NR6A1: variants seen among roughly 807,000 people sequenced by gnomAD.
NR6A1 encodes the protein retinoic acid receptor-related testis-associated receptor.
In NR6A1, 7 loss-of-function variants were observed where a neutral mutation model predicts 59.1. That is an observed-to-expected ratio of 0.12 (90% CI 0.07 to 0.22). NR6A1 has a LOEUF of 0.22. Ranked by LOEUF, NR6A1 falls within the 10% of genes least tolerant of loss-of-function variation. NR6A1 has a pLI of 1.00. For missense variants in NR6A1, 468 were observed against 611.6 expected, an observed-to-expected ratio of 0.77 and a Z score of 2.48; for synonymous variants, 243 against 236.1, an observed-to-expected ratio of 1.03 and a Z score of -0.27.
In NR6A1 at chr9:124,597,996, C is replaced by T. The variant is rs114637657; in HGVS notation, c.143-43426G>A. ...CTGGGACTACAGGGGACTACAGGCA[C>T]GCACCACCACGCCTGGCTAATTTGT... On this transcript the variant is annotated intron_variant, in intron 2 of 9. Coordinates refer to ENST00000487099, the MANE Select transcript of NR6A1 (RefSeq NM_033334.4). 6.9e-3 allele frequency among the ~76,000 whole-genome samples: 1,055 copies of T among 152,172 alleles called. 11 individuals carry two copies. The highest frequency in any genetic ancestry group is 0.025 in the African/African-American group (1,023 of 41,516).
chr9:124,755,596 T>G (rs77089785), intron 1 of NR6A1, among the ~76,000 whole-genome samples: 1 of 152,208 alleles, frequency 6.6e-6, no homozygotes, highest in African/African-American at 2.4e-5. Context: ...ACTTTTCTTA[T>G]AGCAACAATG....
In NR6A1 at chr9:124,520,492, G is replaced by C. The variant is rs1832778088; in HGVS notation, c.*2213C>G. The C allele has an allele frequency of 6.6e-6, 1 of 152,242 alleles. No homozygotes were observed. Among genetic ancestry groups the C allele is most frequent in the Admixed American group, 6.5e-5 (1 of 15,288 alleles). The allele number at this position is 152,242 out of a possible 1,614,324, so 9.4% of individuals were successfully genotyped here. ...CTCTGTTCAATACTACGTTGTTGGA[G>C]AGACATGTTCTTGCCTCATCAGAGA... On this transcript the variant is annotated 3_prime_UTR_variant, in exon 10 of 10. Coordinates refer to ENST00000487099, the MANE Select transcript of NR6A1 (RefSeq NM_033334.4).
At chr9:124,609,490 C>T (rs1835678955) in intron 2 of NR6A1, among the ~76,000 whole-genome samples, 1 of 152,126 alleles carries the variant, frequency 6.6e-6, no homozygotes, top group Admixed American at 6.5e-5. Flanking sequence ...GTACCAGTAC[C>T]ATGCTGTTTT....
At position 124,520,339 on chromosome 9, in the gene NR6A1, A is replaced by C; in HGVS notation, c.*2366T>G. The stretch of plus-strand genomic sequence containing the variant: ...GAACACACAGCCACTTTGCTCTGAG[A>C]TTCTGCAGGGCTCTCGGCAATGAAT... On this transcript the variant is annotated 3_prime_UTR_variant, in exon 10 of 10. Transcript: ENST00000487099. 6.6e-6 allele frequency: 1 copy of C among 152,192 alleles called. No individual in the cohort carries two copies. Among genetic ancestry groups the C allele is most frequent in the East Asian group, 1.9e-4 (1 of 5,200 alleles). The allele number at this position is 152,192 out of a possible 1,614,324, so 9.4% of individuals were successfully genotyped here. A position where few individuals can be genotyped will look rare whatever the true frequency, so the allele number is the denominator to read the frequency against.
chr9:124,639,472 T>G (rs2130897761), intron 2 of NR6A1, among the ~76,000 whole-genome samples: 1 of 152,352 alleles, frequency 6.6e-6, no homozygotes, highest in South Asian at 2.1e-4. Flanking sequence ...GAGGCTGGTT[T>G]ACTTTGCTCA....
intron 2 of NR6A1, among the ~76,000 whole-genome samples, chr9:124,640,156 A>G (rs1836730243): frequency 6.6e-6 from 1 of 152,228 alleles, no homozygotes; most frequent in Non-Finnish European, 1.5e-5. Flanking sequence ...AATCCAGAGG[A>G]ATGAAATTCT....
intron 2 of NR6A1, among the ~76,000 whole-genome samples, chr9:124,720,757 T>C (rs1839540239): frequency 6.6e-6 from 1 of 152,146 alleles, no homozygotes; most frequent in Non-Finnish European, 1.5e-5. Context: ...CTCAGCATGC[T>C]AAGAATATGT....
At chr9:124,654,823 G>C (rs1001582342) in intron 2 of NR6A1, among the ~76,000 whole-genome samples, 1 of 144,382 alleles carries the variant, frequency 6.9e-6, no homozygotes, top group Non-Finnish European at 1.5e-5. Context: ...CCTTTGTTTT[G>C]TTCCTGATAC....
intron 8 of NR6A1, among the ~76,000 whole-genome samples, chr9:124,525,677 A>ATCTCTCTC (rs71980445): frequency 6.7e-6 from 1 of 149,140 alleles, no homozygotes; most frequent in Non-Finnish European, 1.5e-5. Context: ...TTCTAAATAG[A>ATCTCTCTC]TCTCTCTCTC....
chr9:124,593,067 A>T (rs1055103301), intron 2 of NR6A1, among the ~76,000 whole-genome samples: 3 of 152,224 alleles, frequency 2.0e-5, no homozygotes, highest in Admixed American at 2.0e-4. Flanking sequence ...TCACAATTTC[A>T]TTGGCGGAAC....
intron 1 of NR6A1, among the ~76,000 whole-genome samples, chr9:124,762,429 C>A (rs1840808332): frequency 1.3e-5 from 2 of 152,162 alleles, no homozygotes; most frequent in Admixed American, 1.3e-4. Flanking sequence ...GCAGCTAGAT[C>A]TCCTATCTGT....
intron 2 of NR6A1, among the ~76,000 whole-genome samples, chr9:124,706,669 C>T (rs1839142372): frequency 6.6e-6 from 1 of 152,122 alleles, no homozygotes; most frequent in Admixed American, 6.6e-5. Context: ...CTGACATGCG[C>T]CACCACACCA....
intron 2 of NR6A1, among the ~76,000 whole-genome samples, chr9:124,649,979 A>G (rs1356841188): frequency 6.6e-6 from 1 of 152,210 alleles, no homozygotes; most frequent in African/African-American, 2.4e-5. Flanking sequence ...ACACTTCTAC[A>G]CTGTTGATGG....
chr9:124,602,381 TGGC>T (rs1835472366), intron 2 of NR6A1, among the ~76,000 whole-genome samples: 1 of 152,196 alleles, frequency 6.6e-6, no homozygotes, highest in Non-Finnish European at 1.5e-5. Context: ...AGACCCAGAT[TGGC>T]CCAGAGATTA....
At chr9:124,732,841 C>A (rs1449109713) in intron 2 of NR6A1, among the ~76,000 whole-genome samples, 1 of 152,034 alleles carries the variant, frequency 6.6e-6, no homozygotes, top group African/African-American at 2.4e-5. Context: ...GGACTACAGG[C>A]ACCCGCCACC....
chr9:124,571,413 A>C (rs1019358350), intron 2 of NR6A1, among the ~76,000 whole-genome samples: 6 of 152,188 alleles, frequency 3.9e-5, no homozygotes, highest in Admixed American at 3.9e-4. Flanking sequence ...AATCTGCAGT[A>C]GATATCTTTC....
At chr9:124,706,182 T>C (rs1839129051) in intron 2 of NR6A1, among the ~76,000 whole-genome samples, 1 of 152,214 alleles carries the variant, frequency 6.6e-6, no homozygotes, top group Admixed American at 6.5e-5. Flanking sequence ...TTCCAGGAAA[T>C]ACAGAAACTT....
At chr9:124,681,227 G>A (rs966491677) in intron 2 of NR6A1, among the ~76,000 whole-genome samples, 1 of 151,656 alleles carries the variant, frequency 6.6e-6, no homozygotes, top group Non-Finnish European at 1.5e-5. Flanking sequence ...AACAAATTGT[G>A]GTTATTCACA....
chr9:124,736,956 A>T (rs749509231), intron 1 of NR6A1, among the ~76,000 whole-genome samples: 2 of 152,212 alleles, frequency 1.3e-5, no homozygotes, highest in Non-Finnish European at 2.9e-5. Flanking sequence ...GGTCCATCCA[A>T]TTCAGTGCTG....
Sources: allele counts gnomAD v4.1 joint callset (sites outside exome capture counted in the v4.1 genomes callset), GRCh38; gene constraint gnomAD v4.1.1; transcripts MANE v1.5; gene names NCBI Gene and HGNC (gene_info 2026-07-23, HGNC 2026-07-21).